Variants in AKAP6 observed in about 807,000 individuals in gnomAD.
AKAP6 encodes A-kinase anchor protein 6.
In AKAP6, 58 loss-of-function variants were observed where a neutral mutation model predicts 188.5. The observed-to-expected ratio is 0.31, with a 90% confidence interval of 0.25 to 0.38. The LOEUF is 0.38. Ranked by LOEUF, AKAP6 falls within the 10% of genes least tolerant of loss-of-function variation. AKAP6 has a pLI of 1.00. For missense variants in AKAP6, 2,710 were observed against 2,740.0 expected (o/e 0.99, Z 0.24); for synonymous variants, 989 against 998.6 (o/e 0.99, Z 0.18).
At chr14:32,725,463 C>CT (rs2030823983) in intron 9 of AKAP6, among the ~76,000 whole-genome samples, 1 of 152,216 alleles carries the variant, frequency 6.6e-6, no homozygotes, top group South Asian at 2.1e-4. Context: ...ACTTTTTTTT[C>CT]TTTTTCACTA....
At chr14:32,646,100 A>G (rs899500497) in intron 7 of AKAP6, among the ~76,000 whole-genome samples, 2 of 152,094 alleles carry the variant, frequency 1.3e-5, no homozygotes, top group African/African-American at 4.8e-5. Flanking sequence ...TAGATTTGTT[A>G]AAGTCATAGT....
intron 11 of AKAP6, among the ~76,000 whole-genome samples, chr14:32,763,705 A>G (rs553413040): frequency 3.9e-5 from 6 of 152,214 alleles, no homozygotes; most frequent in African/African-American, 1.2e-4. Context: ...TCATTTTTCA[A>G]TTGCTATTTT....
At chr14:32,424,538 A>C (rs1167271966) in intron 1 of AKAP6, among the ~76,000 whole-genome samples, 2 of 151,982 alleles carry the variant, frequency 1.3e-5, no homozygotes, top group African/African-American at 4.8e-5. Context: ...GTACAAGTGC[A>C]GGTCTGTTAT....
At position 32,546,740 on chromosome 14, in the gene AKAP6, T is replaced by A. The variant is rs1566568416; in HGVS notation, c.2087T>A (p.Val696Glu). The A allele has an allele frequency of 1.2e-6, 2 of 1,614,036 alleles. No homozygotes were observed. ...AAGAAGCATACAAGGCTAGGCAGGG[T>A]GTCTCCAAGCTCATCTAGTGACATA... ...VKKKHTRLGRVSPSSSSDIAS... is the reference protein window; with the variant it reads ...VKKKHTRLGRESPSSSSDIAS... Residue 696 changes from valine (V) to glutamate (E), a missense_variant, in exon 4 of 14, where the codon GTG becomes GAG. By Grantham distance (121) the Val-to-Glu change is moderately radical (BLOSUM62 -2). Transcript: ENST00000280979.
Position 32,837,597 on chromosome 14 carries a change from C to CAAAT in AKAP6, c.*7794_*7797dup, listed in dbSNP as rs1257109652. The CAAAT allele has an allele frequency of 3.3e-5, 5 of 152,114 alleles. No homozygotes were observed. The highest frequency in any genetic ancestry group is 7.4e-5 in the Non-Finnish European group (5 of 68,010). 9.4% of individuals were successfully genotyped at this position (152,114 alleles called of 1,614,324 possible). ...CCCTCTGTGTGTGTTTGTTTGCTTG[C>CAAAT]AAATATGTTTCATTTTAAAGTGTCT... On this transcript the variant is annotated 3_prime_UTR_variant, in exon 14 of 14. Coordinates refer to ENST00000280979, the MANE Select transcript of AKAP6 (RefSeq NM_004274.5).
intron 12 of AKAP6, among the ~76,000 whole-genome samples, chr14:32,799,837 A>G (rs2033883268): frequency 6.6e-6 from 1 of 151,984 alleles, no homozygotes; most frequent in Admixed American, 6.6e-5. Context: ...GTCAAGTGAT[A>G]ATGCTGTTCA....
chr14:32,780,895 T>C (rs1304083390), intron 12 of AKAP6, among the ~76,000 whole-genome samples: 3 of 152,198 alleles, frequency 2.0e-5, no homozygotes, highest in African/African-American at 4.8e-5. Context: ...AACACACTTA[T>C]ATACAACTCA....
At chr14:32,808,734 C>A (rs1470311532) in intron 12 of AKAP6, among the ~76,000 whole-genome samples, 2 of 152,012 alleles carry the variant, frequency 1.3e-5, no homozygotes, top group Admixed American at 6.6e-5. Flanking sequence ...AAATAAACAA[C>A]GATGTGTTGA....
Position 32,492,175 on chromosome 14 carries a change from T to A in AKAP6, c.325-43379T>A, listed in dbSNP as rs147137534. Among the ~76,000 whole-genome samples, 765 of 151,974 alleles carry A rather than the reference T, an allele frequency of 5.0e-3. 3 individuals carry two copies. Among genetic ancestry groups the A allele is most frequent in the East Asian group, 0.024 (122 of 5,146 alleles). ...CTTCCTCCTTGCATGCTTTCTCCCA[T>A]TGCCCATGTCTGGCTCTCTCTTACT... On this transcript the variant is annotated intron_variant, in intron 2 of 13. Coordinates refer to ENST00000280979, the MANE Select transcript of AKAP6 (RefSeq NM_004274.5).
rs1205476654 is a variant in AKAP6, at chr14:32,577,185, T to C, written c.2412T>C (p.Asn804=). 4.3e-6 allele frequency: 7 copies of C among 1,612,618 alleles called. No homozygotes were observed. Among genetic ancestry groups the C allele is most frequent in the East Asian group, 2.2e-5 (1 of 44,806 alleles). Reference sequence around the variant, plus strand: ...ATGAAGCCATGGAAACTACAGAAAATTGGACTCCCCCTAAAGCAGAGATGG... The same window carrying C: ...ATGAAGCCATGGAAACTACAGAAAACTGGACTCCCCCTAAAGCAGAGATGG... The part of the protein sequence containing the change: ...WLNEAMETTE[N]WTPPKAEMDD... The change falls in exon 5 of 14, where the codon AAT becomes AAC. Residue 804 remains asparagine, a synonymous_variant. Transcript: ENST00000280979.
chr14:32,703,522 A>G (rs1426896511), intron 9 of AKAP6, among the ~76,000 whole-genome samples: 1 of 152,222 alleles, frequency 6.6e-6, no homozygotes, highest in African/African-American at 2.4e-5. Flanking sequence ...CTTGGCAATA[A>G]TAATGCCAAG....
At chr14:32,634,560 C>T (rs1412407619) in intron 7 of AKAP6, among the ~76,000 whole-genome samples, 1 of 152,032 alleles carries the variant, frequency 6.6e-6, no homozygotes, top group Non-Finnish European at 1.5e-5. Context: ...ACTCTGTATC[C>T]TATAGGCTGA....
chr14:32,360,735 G>C (rs1887629612), intron 1 of AKAP6, among the ~76,000 whole-genome samples: 1 of 151,058 alleles, frequency 6.6e-6, no homozygotes, highest in African/African-American at 2.4e-5. Flanking sequence ...GTGTGTGTGT[G>C]TGTGTGTGTG....
intron 3 of AKAP6, 62 bp from the exon 4 acceptor site, chr14:32,545,168 A>T: frequency 6.7e-7 from 1 of 1,490,144 alleles, no homozygotes; most frequent in Non-Finnish European, 9.2e-7. Flanking sequence ...TTTCATTTAC[A>T]TAGCAGCTGA....
chr14:32,409,657 T>C (rs1889416197), intron 1 of AKAP6, among the ~76,000 whole-genome samples: 1 of 152,226 alleles, frequency 6.6e-6, no homozygotes, highest in African/African-American at 2.4e-5. Flanking sequence ...ATATTCAAAA[T>C]GTATTTCACA....
chr14:32,567,579 T>C (rs927626350), intron 4 of AKAP6, among the ~76,000 whole-genome samples: 1 of 152,222 alleles, frequency 6.6e-6, no homozygotes, highest in Admixed American at 6.5e-5. Flanking sequence ...ATAATAATTT[T>C]GTTATATATT....
At chr14:32,594,890 T>C (rs1885629229) in intron 5 of AKAP6, among the ~76,000 whole-genome samples, 1 of 152,204 alleles carries the variant, frequency 6.6e-6, no homozygotes, top group Non-Finnish European at 1.5e-5. Flanking sequence ...AGTTCATCAG[T>C]TCAATATGTC....
chr14:32,747,857 A>G (rs2031975360), intron 11 of AKAP6, among the ~76,000 whole-genome samples: 2 of 152,216 alleles, frequency 1.3e-5, no homozygotes, highest in Non-Finnish European at 2.9e-5. Context: ...AATGATTCCT[A>G]TGAAGTAGAG....
At chr14:32,745,231 G>A (rs1018365786) in intron 11 of AKAP6, among the ~76,000 whole-genome samples, 3 of 152,082 alleles carry the variant, frequency 2.0e-5, no homozygotes, top group South Asian at 2.1e-4. Flanking sequence ...GGGCTTGTTT[G>A]TACCTGTTCT....
Sources: allele counts gnomAD v4.1 joint callset (sites outside exome capture counted in the v4.1 genomes callset), GRCh38; gene constraint gnomAD v4.1.1; transcripts MANE v1.5; gene names NCBI Gene and HGNC (gene_info 2026-07-23, HGNC 2026-07-21).